The following COX6B1 variants were observed in gnomAD, a reference collection of about 807,000 sequenced individuals.
COX6B1 encodes cytochrome c oxidase subunit 6B1.
In COX6B1, 2 loss-of-function variants were observed where a neutral mutation model predicts 14.0. The ratio of observed to expected loss-of-function variants is 0.14; its 90% CI spans 0.06 to 0.45. COX6B1 has a LOEUF of 0.45. COX6B1 is among the 20% of genes least tolerant of loss of function. The pLI, the probability that COX6B1 is intolerant of heterozygous loss-of-function variation, is 0.98. For synonymous variants in COX6B1, 30 were observed against 39.7 expected, an observed-to-expected ratio of 0.76 and a Z score of 0.92; for missense variants, 81 against 114.2, an observed-to-expected ratio of 0.71 and a Z score of 1.33.
intron 2 of COX6B1, 41 bp downstream of exon 2, chr19:35,651,390 C>A: frequency 2.0e-6 from 3 of 1,483,934 alleles, no homozygotes; most frequent in South Asian, 2.3e-5. Context: ...TCGAGTCACT[C>A]ACCGCTTGCC....
At chr19:35,648,568 C>T in intron 1 of COX6B1, 165 bp downstream of exon 1, 1 of 334,282 alleles carries the variant, frequency 3.0e-6, no homozygotes, top group Non-Finnish European at 5.9e-6. Context: ...TGATACGGTT[C>T]TTCCTTGATG....
In COX6B1 at chr19:35,651,286, G is replaced by T; in HGVS notation, c.43G>T (p.Ala15Ser). 6.2e-7 allele frequency: 1 copy of T among 1,613,962 alleles called. No individual in the cohort carries two copies. Among genetic ancestry groups the T allele is most frequent in the Non-Finnish European group, 8.5e-7 (1 of 1,179,952 alleles). The change falls in exon 2 of 4, where the codon GCC becomes TCC. Residue 15 changes from alanine (A) to serine (S), a missense_variant. By Grantham distance (99) the Ala-to-Ser change is moderately conservative (BLOSUM62 1). Transcript: ENST00000649813. ...METKIKNYKT[A>S]PFDSRFPNQN... ...GACCAAAATCAAGAACTACAAGACC[G>T]CCCCTTTTGACAGCCGCTTCCCCAA... is the stretch of plus-strand genomic sequence containing the variant.
At chr19:35,653,685 A>G (rs1967855669) in intron 2 of COX6B1, among the ~76,000 whole-genome samples, 1 of 148,866 alleles carries the variant, frequency 6.7e-6, no homozygotes, top group African/African-American at 2.5e-5. Flanking sequence ...GGTTCACACC[A>G]TTCTCCTGCC....
chr19:35,650,066 C>T (rs1282743656), intron 1 of COX6B1, among the ~76,000 whole-genome samples: 1 of 150,676 alleles, frequency 6.6e-6, no homozygotes, highest in Non-Finnish European at 1.5e-5. Context: ...TGCACTGGCA[C>T]AATCTCGGCT....
chr19:35,654,494 T>G, intron 2 of COX6B1, 77 bp from the exon 3 acceptor site: 12 of 1,231,242 alleles, frequency 9.7e-6, no homozygotes, highest in South Asian at 1.2e-5. Context: ...AGTGACAGAT[T>G]GAGACCCTAC....
At position 35,654,520 on chromosome 19, in the gene COX6B1, A is replaced by C. The variant is rs550763285; in HGVS notation, c.107-51A>C. On this transcript the variant is annotated intron_variant, in intron 2 of 3. Coordinates refer to ENST00000649813, the MANE Select transcript of COX6B1 (RefSeq NM_001863.5). ...GAGACCCTACCTCAAAAAAAAAAAA[A>C]AATGTGTTCCAACTCTTGATCTGGG... The C allele has an allele frequency of 3.0e-5, 47 of 1,566,758 alleles. No individual in the cohort carries two copies. The African/African-American group carries it at 5.5e-4, about 18-fold the overall frequency.
At chr19:35,658,525 G>A in intron 3 of COX6B1, 69 bp from the exon 4 acceptor site, 1 of 1,415,946 alleles carries the variant, frequency 7.1e-7, no homozygotes, top group Non-Finnish European at 1.0e-6. Flanking sequence ...GGTGGGCAAA[G>A]TGAGGAAGAT....
chr19:35,658,092 T>C (rs910367601), intron 3 of COX6B1, among the ~76,000 whole-genome samples: 1 of 152,270 alleles, frequency 6.6e-6, no homozygotes, highest in Admixed American at 6.6e-5. Flanking sequence ...ACACCCAGCC[T>C]CCATCATTGT....
At chr19:35,651,939 A>G (rs535170228) in intron 2 of COX6B1, among the ~76,000 whole-genome samples, 1 of 152,138 alleles carries the variant, frequency 6.6e-6, no homozygotes, top group South Asian at 2.1e-4. Flanking sequence ...ACAAACATGT[A>G]CAGCTAAATG....
At chr19:35,655,026 CTTTTTTTTTTTT>C (rs559837297) in intron 3 of COX6B1, among the ~76,000 whole-genome samples, 1 of 118,750 alleles carries the variant, frequency 8.4e-6, no homozygotes, top group Non-Finnish European at 1.8e-5. Context: ...TTTTTTTTTT[CTTTTTTTTTTTT>C]TAGACAAGGG....
chr19:35,657,673 A>G (rs1427023228), intron 3 of COX6B1, among the ~76,000 whole-genome samples: 3 of 57,720 alleles, frequency 5.2e-5, no homozygotes, highest in African/African-American at 8.4e-5. Context: ...TTTTTTTTTT[A>G]GAGACAGTCT....
chr19:35,655,649 A>G (rs1967880236), intron 3 of COX6B1, among the ~76,000 whole-genome samples: 1 of 151,776 alleles, frequency 6.6e-6, no homozygotes, highest in Non-Finnish European at 1.5e-5. Context: ...TTTAAAGACA[A>G]GGTCTCATGA....
Position 35,652,965 on chromosome 19 carries a change from ATT to A in COX6B1, c.107-1586_107-1585del, listed in dbSNP as rs1330598420. ...AGGCGCTCGCCACCACACCCAGCTAATTTTTTTTTTTTTTTTTTTTTGAGACG... is the reference window on the plus strand; with the variant it reads ...AGGCGCTCGCCACCACACCCAGCTAATTTTTTTTTTTTTTTTTTTGAGACG... On this transcript the variant is annotated intron_variant, in intron 2 of 3. Transcript: ENST00000649813. 1.6e-3 allele frequency among the ~76,000 whole-genome samples: 190 copies of A among 121,720 alleles called. 1 individual carries two copies. Among genetic ancestry groups the A allele is most frequent in the Non-Finnish European group, 1.8e-3 (104 of 58,744 alleles). The allele number at this position is 121,720 out of a possible 152,430, so 79.9% of individuals were successfully genotyped here.
At chr19:35,653,922 T>C (rs950841879) in intron 2 of COX6B1, among the ~76,000 whole-genome samples, 6 of 152,142 alleles carry the variant, frequency 3.9e-5, no homozygotes, top group Non-Finnish European at 8.8e-5. Flanking sequence ...CAGGCTGGTC[T>C]CGAACTCCTA....
chr19:35,648,973 G>T (rs558094489), intron 1 of COX6B1: 1 of 530,960 alleles, frequency 1.9e-6, no homozygotes, highest in Non-Finnish European at 3.9e-6. Context: ...CTTCCCCACC[G>T]AAAGACTGTT....
At chr19:35,651,428 C>A in intron 2 of COX6B1, 79 bp downstream of exon 2, 1 of 1,037,902 alleles carries the variant, frequency 9.6e-7, no homozygotes, top group Non-Finnish European at 1.5e-6. Flanking sequence ...TCCACCCCAG[C>A]CTCCTCCCTT....
At position 35,654,623 on chromosome 19, in the gene COX6B1, G is replaced by T. The variant is rs1022022717; in HGVS notation, c.159G>T (p.Val53=). 9.9e-6 allele frequency: 16 copies of T among 1,614,068 alleles called. No homozygotes were observed. The highest frequency in any genetic ancestry group is 1.4e-5 in the Non-Finnish European group (16 of 1,180,046). The change falls in exon 3 of 4, where the codon GTG becomes GTT. Residue 53 remains valine, a synonymous_variant. Coordinates refer to ENST00000649813, the MANE Select transcript of COX6B1 (RefSeq NM_001863.5). ...AMTAKGGDIS[V]CEWYQRVYQS... ...CCGCTAAAGGAGGCGATATCTCTGT[G>T]TGCGAATGGTACCAGCGTGTGTACC...
At chr19:35,649,008 A>G in intron 1 of COX6B1, 2 of 500,104 alleles carry the variant, frequency 4.0e-6, no homozygotes, top group Non-Finnish European at 8.2e-6. Flanking sequence ...CCCCACCACC[A>G]CCTTGCGTCG....
At chr19:35,649,315 C>CT (rs1262946565) in intron 1 of COX6B1, among the ~76,000 whole-genome samples, 2 of 151,576 alleles carry the variant, frequency 1.3e-5, no homozygotes, top group Admixed American at 6.6e-5. Flanking sequence ...ATAGACATTC[C>CT]TTTTTTTTGT....
Sources: allele counts gnomAD v4.1 joint callset (sites outside exome capture counted in the v4.1 genomes callset), GRCh38; gene constraint gnomAD v4.1.1; transcripts MANE v1.5; gene names NCBI Gene and HGNC (gene_info 2026-07-23, HGNC 2026-07-21).